MFSD8: variants seen among roughly 807,000 people sequenced by gnomAD.
MFSD8 encodes major facilitator superfamily domain-containing protein 8.
A neutral mutation model predicts 66.4 loss-of-function variants in MFSD8; 55 were observed. The observed-to-expected ratio is 0.83, with a 90% CI of 0.67 to 1.04. MFSD8 has a LOEUF of 1.04. Among genes scored for constraint, MFSD8 ranks in the 50% least tolerant of loss-of-function variants. The pLI is 0.00. For missense variants in MFSD8, 550 were observed against 627.6 expected (o/e 0.88, Z 1.32); for synonymous variants, 202 against 212.8 (o/e 0.95, Z 0.44).
intron 2 of MFSD8, among the ~76,000 whole-genome samples, chr4:127,957,028 G>A (rs1203666054): frequency 6.6e-6 from 1 of 151,958 alleles, no homozygotes; most frequent in Non-Finnish European, 1.5e-5. Flanking sequence ...TAAGCACATA[G>A]GAGAATAGAG....
At chr4:127,946,247 G>C (rs1204611102) in intron 3 of MFSD8, among the ~76,000 whole-genome samples, 1 of 152,046 alleles carries the variant, frequency 6.6e-6, no homozygotes, top group Non-Finnish European at 1.5e-5. Context: ...ACTCTTTAAA[G>C]AGTTTTCAAA....
intron 1 of MFSD8, among the ~76,000 whole-genome samples, chr4:127,964,032 C>T (rs933939227): frequency 3.9e-5 from 6 of 152,074 alleles, no homozygotes; most frequent in African/African-American, 1.5e-4. Context: ...TTCACAAACC[C>T]TGAGCTAGAC....
At chr4:127,941,399 T>C (rs986735348) in intron 5 of MFSD8, among the ~76,000 whole-genome samples, 1 of 152,220 alleles carries the variant, frequency 6.6e-6, no homozygotes, top group Non-Finnish European at 1.5e-5. Flanking sequence ...AATATTATTC[T>C]AGGCATGAAA....
At position 127,961,820 on chromosome 4, in the gene MFSD8, CAAAAAAAAAA is replaced by C. The variant is rs4000711; in HGVS notation, c.62+3242_62+3251del. 2.0e-4 allele frequency among the ~76,000 whole-genome samples: 16 copies of C among 80,566 alleles called. No homozygotes were observed. In the South Asian group the frequency reaches 6.4e-3, roughly 32 times the overall value. The allele number at this position is 80,566 out of a possible 152,430, so 52.9% of individuals were successfully genotyped here. A position where few individuals can be genotyped will look rare whatever the true frequency, so the allele number is the denominator to read the frequency against. ...TGGGTGACAGAGCGAGACTCCGTCT[CAAAAAAAAAA>C]AAAAAAAAAAAGAATTTCTGAGTTC... On this transcript the variant is annotated intron_variant, in intron 1 of 11. Transcript: ENST00000641686.
At chr4:127,931,294 A>T (rs1251010655) in intron 8 of MFSD8, among the ~76,000 whole-genome samples, 1 of 152,086 alleles carries the variant, frequency 6.6e-6, no homozygotes, top group Non-Finnish European at 1.5e-5. Context: ...TTCCTTGCCA[A>T]GTTTCTCTCC....
At chr4:127,953,477 A>T (rs1437718446) in intron 2 of MFSD8, among the ~76,000 whole-genome samples, 1 of 150,728 alleles carries the variant, frequency 6.6e-6, no homozygotes, top group African/African-American at 2.4e-5. Context: ...AAAAAAAAGA[A>T]TAAATTACGT....
chr4:127,932,647 T>TAC (rs1560735386), intron 8 of MFSD8: 1 of 193,788 alleles, frequency 5.2e-6, no homozygotes, highest in Non-Finnish European at 1.1e-5. Context: ...CATATATATA[T>TAC]ATACATATAT....
intron 1 of MFSD8, among the ~76,000 whole-genome samples, chr4:127,960,543 A>G (rs146701506): frequency 6.6e-6 from 1 of 152,200 alleles, no homozygotes; most frequent in Admixed American, 6.6e-5. Context: ...TAAATAAATA[A>G]ATAAGAGAGA....
chr4:127,965,426 T>A, upstream of MFSD8: 2 of 552,202 alleles, frequency 3.6e-6, no homozygotes, highest in Non-Finnish European at 6.5e-6. Flanking sequence ...GCCGCCCTGC[T>A]CCGGGTTTGT....
At chr4:127,938,604 TAAATAA>T (rs1739542581) in intron 7 of MFSD8, among the ~76,000 whole-genome samples, 173 bp downstream of exon 7, 1 of 137,450 alleles carries the variant, frequency 7.3e-6, no homozygotes, top group African/African-American at 2.8e-5. Flanking sequence ...AATAAATAAA[TAAATAA>T]ATAAATAAAT....
intron 7 of MFSD8, among the ~76,000 whole-genome samples, chr4:127,935,911 C>A (rs1738991336): frequency 6.6e-6 from 1 of 152,082 alleles, no homozygotes; most frequent in African/African-American, 2.4e-5. Flanking sequence ...GATTTGTAGA[C>A]CAGAAGCATC....
chr4:127,942,304 AG>A (rs1286118210), intron 4 of MFSD8, 146 bp from the exon 5 acceptor site: 1 of 673,724 alleles, frequency 1.5e-6, no homozygotes, highest in Non-Finnish European at 2.7e-6. Flanking sequence ...AAAGCATGTA[AG>A]GTATTTTTAT....
chr4:127,925,632 CT>C (rs1737074540), intron 9 of MFSD8, among the ~76,000 whole-genome samples: 1 of 152,222 alleles, frequency 6.6e-6, no homozygotes, highest in Non-Finnish European at 1.5e-5. Flanking sequence ...CACCTTTACA[CT>C]GTTGGTGGGA....
Position 127,949,807 on chromosome 4 carries a change from T to C in MFSD8, c.195A>G (p.Gln65=), listed in dbSNP as rs2148943646. The part of the protein sequence containing the change: ...VVMMSIWPYL[Q]KIDPTADTSF... ...AAATAGATTGAAATGTACAAACCTT[T>C]TGGAGATATGGCCATATGGACATCA... The change falls in exon 3 of 12, where the codon CAA becomes CAG. Residue 65 remains glutamine, a synonymous_variant. Coordinates refer to ENST00000641686, the MANE Select transcript of MFSD8 (RefSeq NM_001371596.2). 1.9e-6 allele frequency: 3 copies of C among 1,612,080 alleles called. No individual in the cohort carries two copies. Among genetic ancestry groups the C allele is most frequent in the Non-Finnish European group, 2.5e-6 (3 of 1,178,930 alleles).
rs781180686 is a variant in MFSD8 at position 127,942,174 on chromosome 4, C to T, written c.440-16G>A. ...GCTACATTTCCTTAAAAACAAGACA[C>T]AATAATCCAAAGTAAAAGAAAGTAT... On this transcript the variant is annotated splice_polypyrimidine_tract_variant and intron_variant, in intron 4 of 11. Coordinates refer to ENST00000641686, the MANE Select transcript of MFSD8 (RefSeq NM_001371596.2). The T allele has an allele frequency of 6.4e-7, 1 of 1,559,566 alleles. No homozygotes were observed. Among genetic ancestry groups the T allele is most frequent in the South Asian group, 1.1e-5 (1 of 89,970 alleles).
At chr4:127,926,557 G>C (rs1482163793) in intron 9 of MFSD8, among the ~76,000 whole-genome samples, 2 of 151,868 alleles carry the variant, frequency 1.3e-5, no homozygotes, top group East Asian at 1.9e-4. Context: ...TGAGGGGATG[G>C]TATTGGACAT....
At chr4:127,955,064 A>G (rs984966432) in intron 2 of MFSD8, among the ~76,000 whole-genome samples, 2 of 152,210 alleles carry the variant, frequency 1.3e-5, no homozygotes, top group East Asian at 1.9e-4. Flanking sequence ...ACAGTATGGC[A>G]ATTTTCCAAA....
In MFSD8 at chr4:127,920,729, G is replaced by C. The variant is rs766690694; in HGVS notation, c.1458C>G (p.Ser486Arg). Residue 486 changes from serine (S) to arginine (R), a missense_variant, in exon 12 of 12, where the codon AGC becomes AGG. By Grantham distance (110) the Ser-to-Arg change is moderately radical (BLOSUM62 -1). Coordinates refer to ENST00000641686, the MANE Select transcript of MFSD8 (RefSeq NM_001371596.2). ...TGAGCACTATTATTCCACACACCAG[G>C]CTGAATGCCCATCGTGGTCCCCAGT... ...YAHWGPRWAF[S>R]LVCGIIVLTI... 6.2e-7 allele frequency: 1 copy of C among 1,613,968 alleles called. No homozygotes were observed. Among genetic ancestry groups the C allele is most frequent in the Non-Finnish European group, 8.5e-7 (1 of 1,179,986 alleles).
intron 1 of MFSD8, among the ~76,000 whole-genome samples, chr4:127,957,974 C>A (rs905908899): frequency 2.6e-5 from 4 of 152,122 alleles, no homozygotes; most frequent in African/African-American, 9.7e-5. Flanking sequence ...CTACTAAGTA[C>A]TAAAAAATAA....
Sources: allele counts gnomAD v4.1 joint callset (sites outside exome capture counted in the v4.1 genomes callset), GRCh38; gene constraint gnomAD v4.1.1; transcripts MANE v1.5; gene names NCBI Gene and HGNC (gene_info 2026-07-23, HGNC 2026-07-21).